GRIP1: variants seen among roughly 807,000 people sequenced by gnomAD.
GRIP1 encodes glutamate receptor-interacting protein 1.
A neutral mutation model predicts 129.9 loss-of-function variants in GRIP1; 45 were observed. That is an observed-to-expected ratio of 0.35 (90% confidence interval 0.27 to 0.44). GRIP1 has a LOEUF of 0.44. Ranked by LOEUF, GRIP1 falls within the 20% of genes least tolerant of loss-of-function variation. The pLI is 1.00. For missense variants in GRIP1, 1,196 were observed against 1,396.8 expected, an observed-to-expected ratio of 0.86 and a Z score of 2.29; for synonymous variants, 530 against 520.8, an observed-to-expected ratio of 1.02 and a Z score of -0.24.
At chr12:66,773,561 G>A (rs1469779134) in intron 1 of GRIP1, among the ~76,000 whole-genome samples, 1 of 152,128 alleles carries the variant, frequency 6.6e-6, no homozygotes, top group Non-Finnish European at 1.5e-5. Context: ...CTGTCAGGGG[G>A]TCGGGGGCTA....
At chr12:66,470,382 A>T (rs7314629) in intron 7 of GRIP1, among the ~76,000 whole-genome samples, 32,980 of 150,874 alleles carry the variant, frequency 0.22, 3,924 homozygotes, top group African/African-American at 0.28. Flanking sequence ...GCCTTCATTT[A>T]TGTTGTTCTC....
At chr12:66,444,006 A>C (rs1291271970) in intron 13 of GRIP1, among the ~76,000 whole-genome samples, 1 of 152,244 alleles carries the variant, frequency 6.6e-6, no homozygotes, top group Non-Finnish European at 1.5e-5. Context: ...TCTAGTATAC[A>C]GAAGAAAGAA....
intron 1 of GRIP1, among the ~76,000 whole-genome samples, chr12:66,611,294 G>A (rs1202598906): frequency 6.6e-6 from 1 of 152,078 alleles, no homozygotes; most frequent in African/African-American, 2.4e-5. Context: ...AAGTATGAGA[G>A]ACATTAGCTA....
rs544189128 is a variant in GRIP1 at position 66,987,950 on chromosome 12, C to G, written c.58+81100G>C. Reference sequence around the variant, plus strand: ...TCCTTTGTGCCCTCAGTAAATGTAGCCTGATTTCCAGGTCTGCCTCAGTCA... The same window carrying G: ...TCCTTTGTGCCCTCAGTAAATGTAGGCTGATTTCCAGGTCTGCCTCAGTCA... On this transcript the variant is annotated intron_variant, in intron 1 of 1. Transcript: ENST00000643019. 7.9e-5 allele frequency among the ~76,000 whole-genome samples: 12 copies of G among 152,268 alleles called. No homozygotes were observed. In the South Asian group the frequency reaches 1.0e-3, roughly 13 times the overall value.
At chr12:66,764,024 G>A (rs1233555403) in intron 1 of GRIP1, among the ~76,000 whole-genome samples, 5 of 152,164 alleles carry the variant, frequency 3.3e-5, no homozygotes, top group Non-Finnish European at 5.9e-5. Flanking sequence ...TGCCAAGAGC[G>A]AGCTGTGAAC....
chr12:66,626,208 C>T (rs1023924323), intron 1 of GRIP1, among the ~76,000 whole-genome samples: 1 of 151,930 alleles, frequency 6.6e-6, no homozygotes, highest in Non-Finnish European at 1.5e-5. Flanking sequence ...GCTATAGTGG[C>T]GTGCACCTGT....
At chr12:66,516,391 G>T (rs910932951) in intron 6 of GRIP1, among the ~76,000 whole-genome samples, 23 of 152,232 alleles carry the variant, frequency 1.5e-4, no homozygotes, top group African/African-American at 5.3e-4. Flanking sequence ...TACAGCCAGG[G>T]TGGCCCCCAG....
intron 2 of GRIP1, among the ~76,000 whole-genome samples, chr12:66,581,376 C>G (rs2063372217): frequency 6.6e-6 from 1 of 150,934 alleles, no homozygotes; most frequent in Non-Finnish European, 1.5e-5. Context: ...CATTCAAAAG[C>G]TAGCAGAAGG....
intron 15 of GRIP1, among the ~76,000 whole-genome samples, chr12:66,411,832 G>A (rs774574043): frequency 1.3e-5 from 2 of 152,136 alleles, no homozygotes; most frequent in African/African-American, 4.8e-5. Flanking sequence ...ACTTCACAAC[G>A]CAATCACAAG....
chr12:66,904,890 C>CAAA (rs34662689), intron 1 of GRIP1, among the ~76,000 whole-genome samples: 27,000 of 136,570 alleles, frequency 0.2, 2,666 homozygotes, highest in South Asian at 0.27. Context: ...GACTCCGTCT[C>CAAA]AAAAAAAAAA....
intron 1 of GRIP1, among the ~76,000 whole-genome samples, chr12:66,836,979 G>T (rs185673047): frequency 1.3e-5 from 2 of 152,302 alleles, no homozygotes; most frequent in East Asian, 1.9e-4. Context: ...TCAACTGGAG[G>T]TTGGAGAGAA....
At chr12:66,500,566 G>A (rs552691820) in intron 7 of GRIP1, among the ~76,000 whole-genome samples, 2 of 152,306 alleles carry the variant, frequency 1.3e-5, no homozygotes, top group African/African-American at 4.8e-5. Flanking sequence ...AGTCTTTAGA[G>A]ACAGAAAAGG....
At chr12:66,907,883 G>C (rs886231395) in intron 1 of GRIP1, among the ~76,000 whole-genome samples, 2 of 152,126 alleles carry the variant, frequency 1.3e-5, no homozygotes, top group Admixed American at 6.5e-5. Context: ...GGAACAAGGA[G>C]AAAGGGTCAT....
At chr12:66,457,590 A>G (rs1430394362) in intron 9 of GRIP1, among the ~76,000 whole-genome samples, 2 of 152,170 alleles carry the variant, frequency 1.3e-5, no homozygotes, top group African/African-American at 4.8e-5. Flanking sequence ...TTCTACTTTC[A>G]TGATTTTGGT....
Position 66,523,073 on chromosome 12 carries a change from G to A in GRIP1, c.503-5097C>T, listed in dbSNP as rs1208253532. 3.3e-5 allele frequency among the ~76,000 whole-genome samples: 5 copies of A among 152,030 alleles called. No individual in the cohort carries two copies. The East Asian group carries it at 5.8e-4, about 18-fold the overall frequency. ...TCTGACTGGTGTACCTGAAAGTGAT[G>A]GGGAGAATGGAATCAAGTGGGAAAA... On this transcript the variant is annotated intron_variant, in intron 5 of 24. Coordinates refer to ENST00000359742, the MANE Select transcript of GRIP1 (RefSeq NM_001366722.1).
At chr12:66,869,343 T>C (rs1280822795) in intron 1 of GRIP1, among the ~76,000 whole-genome samples, 1 of 152,072 alleles carries the variant, frequency 6.6e-6, no homozygotes, top group Non-Finnish European at 1.5e-5. Flanking sequence ...AAAATCAGTT[T>C]ATGGCCAAGA....
intron 1 of GRIP1, among the ~76,000 whole-genome samples, chr12:66,775,935 G>A (rs1276619496): frequency 6.6e-6 from 1 of 152,152 alleles, no homozygotes; most frequent in Non-Finnish European, 1.5e-5. Context: ...AAGGAGGAGG[G>A]AGACACAGTA....
intron 1 of GRIP1, among the ~76,000 whole-genome samples, chr12:66,858,018 C>T (rs2040037399): frequency 6.6e-6 from 1 of 151,982 alleles, no homozygotes; most frequent in South Asian, 2.1e-4. Flanking sequence ...AGAGGAAACA[C>T]TGCCTACCTT....
chr12:66,866,444 G>A lies in GRIP1; in HGVS notation c.58+202606C>T, dbSNP rs559497752. ...GCTATGATCGCACCACTGCACTCCA[G>A]GGTGGGTGAGAGGGTCAATTGTCAG... is the stretch of plus-strand genomic sequence containing the variant. On this transcript the variant is annotated intron_variant, in intron 1 of 1. Transcript: ENST00000643019. Among the ~76,000 whole-genome samples, 4 of 152,268 alleles carry A rather than the reference G, an allele frequency of 2.6e-5. No individual in the cohort carries two copies. The East Asian group carries it at 7.7e-4, about 29-fold the overall frequency.
Sources: gnomAD v4.1 joint callset for allele counts (sites outside exome capture counted in the v4.1 genomes callset) on GRCh38, gnomAD v4.1.1 for gene constraint, MANE v1.5 for transcripts, NCBI Gene and HGNC (gene_info 2026-07-23, HGNC 2026-07-21) for gene names.